Variants in TRIM2 observed in about 807,000 individuals in gnomAD.
The protein encoded by TRIM2 is tripartite motif containing 2.
TRIM2 carries 20 observed loss-of-function variants against 75.2 expected under a neutral mutation model. That is an observed-to-expected ratio of 0.27 (90% confidence interval 0.19 to 0.39). TRIM2 has a LOEUF of 0.39. Ranked by LOEUF, TRIM2 falls within the 10% of genes least tolerant of loss-of-function variation. The pLI is 1.00. For missense variants in TRIM2, 660 were observed against 990.8 expected (o/e 0.67, Z 4.48); for synonymous variants, 373 against 388.3 (o/e 0.96, Z 0.46).
At chr4:153,201,669 T>A (rs1025704527), upstream of TRIM2, among the ~76,000 whole-genome samples, 1 of 152,050 alleles carries the variant, frequency 6.6e-6, no homozygotes, top group Non-Finnish European at 1.5e-5. Context: ...CACTCCAGCC[T>A]GGGTGACAGA....
chr4:153,336,359 C>CA lies in TRIM2; in HGVS notation c.*1403dup, dbSNP rs1206502344. 903 of 822,044 alleles carry CA rather than the reference C, an allele frequency of 1.1e-3. No individual in the cohort carries two copies. The highest frequency in any genetic ancestry group is 5.5e-3 in the East Asian group (41 of 7,502). 50.9% of individuals were successfully genotyped at this position (822,044 alleles called of 1,614,324 possible). ...CCTTCTGTGCTTTCAAAAAAAAAAA[C>CA]AAAAAAAAAACCACACACACACATA... On this transcript the variant is annotated 3_prime_UTR_variant, in exon 12 of 12. Transcript: ENST00000338700.
chr4:153,254,303 G>A (rs1045396612), intron 1 of TRIM2, among the ~76,000 whole-genome samples: 3 of 152,126 alleles, frequency 2.0e-5, no homozygotes, highest in East Asian at 1.9e-4. Context: ...ATTTAGTAGC[G>A]TACATCCTCT....
chr4:153,313,417 T>C (rs1399276415), intron 6 of TRIM2, among the ~76,000 whole-genome samples: 2 of 152,116 alleles, frequency 1.3e-5, no homozygotes, highest in Non-Finnish European at 2.9e-5. Context: ...AGCTCATCTA[T>C]GATGATTCTG....
At chr4:153,282,470 A>C (rs1759562386) in intron 3 of TRIM2, among the ~76,000 whole-genome samples, 1 of 152,190 alleles carries the variant, frequency 6.6e-6, no homozygotes, top group African/African-American at 2.4e-5. Context: ...AGGCAGGAGG[A>C]TCACTTGAGG....
intron 1 of TRIM2, among the ~76,000 whole-genome samples, chr4:153,164,767 T>A (rs984638927): frequency 6.6e-6 from 1 of 152,222 alleles, no homozygotes; most frequent in Non-Finnish European, 1.5e-5. Flanking sequence ...TCTTCTACAC[T>A]CTACTTTCTG....
rs13115838 is a variant in TRIM2, at chr4:153,245,438, T to A, written c.31-24897T>A. On this transcript the variant is annotated intron_variant, in intron 1 of 11. Transcript: ENST00000338700. ...ACTAAAGGTGTGTCAGCCATTTTGT[T>A]AGGCTTGAGCAGGGGCGGGCAAACT... Among the ~76,000 whole-genome samples, 804 of 152,376 alleles carry A rather than the reference T, an allele frequency of 5.3e-3. 1 individual carries two copies. Among genetic ancestry groups the A allele is most frequent in the Non-Finnish European group, 9.2e-3 (627 of 68,040 alleles).
chr4:153,158,350 C>T (rs570607784), intron 1 of TRIM2, among the ~76,000 whole-genome samples: 9 of 152,218 alleles, frequency 5.9e-5, no homozygotes, highest in Admixed American at 5.9e-4. Flanking sequence ...ATCCTATGAA[C>T]TATAATTGGT....
chr4:153,269,932 T>G (rs1384250332), intron 1 of TRIM2, among the ~76,000 whole-genome samples: 1 of 152,062 alleles, frequency 6.6e-6, no homozygotes, highest in Non-Finnish European at 1.5e-5. Flanking sequence ...TTTTATTTTA[T>G]TTTTTATTTT....
intron 1 of TRIM2, chr4:153,257,382 T>C (rs1240102392): frequency 1.8e-6 from 2 of 1,134,304 alleles, no homozygotes; most frequent in African/African-American, 3.3e-5. Flanking sequence ...CTGCAGTCTT[T>C]TCAACAGACG....
intron 1 of TRIM2, among the ~76,000 whole-genome samples, chr4:153,211,132 C>A (rs1178475864): frequency 1.3e-5 from 2 of 152,152 alleles, no homozygotes; most frequent in Non-Finnish European, 2.9e-5. Context: ...TCCATAGCGG[C>A]CATCTGCACA....
At chr4:153,273,533 TCCACCCG>T (rs1487342062) in intron 2 of TRIM2, among the ~76,000 whole-genome samples, 1 of 148,078 alleles carries the variant, frequency 6.8e-6, no homozygotes, top group Admixed American at 6.9e-5. Context: ...GCCCTCGTGA[TCCACCCG>T]CCTTGGCCTC....
intron 8 of TRIM2, among the ~76,000 whole-genome samples, chr4:153,321,844 T>A (rs1769060922): frequency 6.6e-6 from 1 of 152,208 alleles, no homozygotes; most frequent in South Asian, 2.1e-4. Context: ...ACCTACCTTA[T>A]TTTACTTAAT....
intron 11 of TRIM2, 84 bp downstream of exon 11, chr4:153,328,754 T>A: frequency 7.0e-7 from 1 of 1,430,370 alleles, no homozygotes; most frequent in Non-Finnish European, 9.3e-7. Flanking sequence ...AACTGGAATG[T>A]TTTCTCTTTT....
intron 1 of TRIM2, among the ~76,000 whole-genome samples, chr4:153,226,930 T>C (rs1291601761): frequency 6.6e-6 from 1 of 152,260 alleles, no homozygotes; most frequent in East Asian, 1.9e-4. Flanking sequence ...GCAAATACTA[T>C]GTTCTGAGCC....
At chr4:153,256,437 A>G (rs1394551715) in intron 1 of TRIM2, among the ~76,000 whole-genome samples, 1 of 152,246 alleles carries the variant, frequency 6.6e-6, no homozygotes, top group Non-Finnish European at 1.5e-5. Context: ...ATTATTAGCA[A>G]TCCCTTTGAA....
chr4:153,292,514 C>T (rs1762026534), intron 3 of TRIM2, among the ~76,000 whole-genome samples: 1 of 152,196 alleles, frequency 6.6e-6, no homozygotes, highest in African/African-American at 2.4e-5. Flanking sequence ...CTGGTCTTAA[C>T]TCCTGGCCTC....
chr4:153,303,185 T>C (rs1764272968), intron 6 of TRIM2, among the ~76,000 whole-genome samples: 2 of 152,180 alleles, frequency 1.3e-5, no homozygotes, highest in Non-Finnish European at 1.5e-5. Context: ...AACTTTTGGC[T>C]GGACGCCGTG....
chr4:153,328,589 G>A lies in TRIM2; in HGVS notation c.2082G>A (p.Gly694=). ...TTGGCTCAAATGGAGAAGGAAATGG[G>A]CAGTTTAATGCTCCAACAGGTGTAG... The part of the protein sequence containing the change: ...LKFGSNGEGN[G]QFNAPTGVAV... Residue 694 remains glycine, a synonymous_variant, in exon 11 of 12, where the codon GGG becomes GGA. Transcript: ENST00000338700. The A allele has an allele frequency of 6.2e-7, 1 of 1,613,010 alleles. No individual in the cohort carries two copies.
At chr4:153,266,265 G>C (rs1755035237) in intron 1 of TRIM2, among the ~76,000 whole-genome samples, 1 of 151,812 alleles carries the variant, frequency 6.6e-6, no homozygotes, top group Non-Finnish European at 1.5e-5. Context: ...GACCTCCCGA[G>C]CTCAAGCACT....
Sources: gnomAD v4.1 joint callset for allele counts (sites outside exome capture counted in the v4.1 genomes callset) on GRCh38, gnomAD v4.1.1 for gene constraint, MANE v1.5 for transcripts, NCBI Gene and HGNC (gene_info 2026-07-23, HGNC 2026-07-21) for gene names.